GUCY1A2: variants seen among roughly 807,000 people sequenced by gnomAD.
GUCY1A2 encodes the protein guanylate cyclase 1 soluble subunit alpha 2.
Under a neutral mutation model 63.5 loss-of-function variants are expected in GUCY1A2, and 27 were observed. The ratio of observed to expected loss-of-function variants is 0.43; its 90% CI spans 0.31 to 0.59. The LOEUF is 0.59. Ranked by LOEUF, GUCY1A2 falls within the 20% of genes least tolerant of loss-of-function variation. GUCY1A2 has a pLI of 0.11. For missense variants in GUCY1A2, 768 were observed against 913.3 expected (o/e 0.84, Z 2.05); for synonymous variants, 364 against 343.5 (o/e 1.06, Z -0.66).
chr11:106,833,275 ACATT>A (rs1187512375), intron 4 of GUCY1A2, among the ~76,000 whole-genome samples: 2 of 152,132 alleles, frequency 1.3e-5, no homozygotes, highest in South Asian at 2.1e-4. Flanking sequence ...AAATAAGGTT[ACATT>A]CAGAGATACT....
At chr11:107,006,136 G>A (rs1056677320) in intron 1 of GUCY1A2, among the ~76,000 whole-genome samples, 2 of 152,174 alleles carry the variant, frequency 1.3e-5, no homozygotes, top group African/African-American at 4.8e-5. Flanking sequence ...TGATGCCCAA[G>A]ATAACAAGAA....
At chr11:106,883,356 G>C (rs1043526120) in intron 4 of GUCY1A2, among the ~76,000 whole-genome samples, 2 of 152,068 alleles carry the variant, frequency 1.3e-5, no homozygotes, top group East Asian at 3.9e-4. Flanking sequence ...TTTTCATAAT[G>C]TGTTATTTGT....
chr11:106,902,065 T>C (rs1046924742), intron 4 of GUCY1A2, among the ~76,000 whole-genome samples: 9 of 152,186 alleles, frequency 5.9e-5, no homozygotes, highest in Non-Finnish European at 8.8e-5. Context: ...ATCATAAGAC[T>C]TGAAAGTTGA....
At chr11:106,797,235 C>T (rs984213267) in intron 5 of GUCY1A2, among the ~76,000 whole-genome samples, 8 of 152,074 alleles carry the variant, frequency 5.3e-5, no homozygotes, top group Non-Finnish European at 2.9e-5. Context: ...TCCTTTAGCT[C>T]GGAGAAGTTT....
chr11:106,708,566 T>A lies in GUCY1A2; in HGVS notation c.1937A>T (p.Lys646Ile), dbSNP rs1357925889. 4 of 1,612,956 alleles carry A rather than the reference T, an allele frequency of 2.5e-6. No individual in the cohort carries two copies. Among genetic ancestry groups the A allele is most frequent in the Non-Finnish European group, 2.5e-6 (3 of 1,179,388 alleles). The change falls in exon 7 of 8, where the codon AAA becomes ATA. Residue 646 changes from lysine to isoleucine, a missense_variant. Lys to Ile is a moderately radical substitution (Grantham distance 102). Transcript: ENST00000526355. Reference protein sequence around the residue: ...LFGNNVTLASKFESGSHPRRI... With the variant: ...LFGNNVTLASIFESGSHPRRI... ...CCGAGGGTGACTTCCCGACTCGAAT[T>A]TGCTTGCCAGTGTGACATTATTTCC...
rs1859173378 is a variant in GUCY1A2, at chr11:106,839,910, A to G, written c.1207-29432T>C. 2.0e-5 allele frequency among the ~76,000 whole-genome samples: 3 copies of G among 151,426 alleles called. No homozygotes were observed. In the South Asian group the frequency reaches 6.3e-4, roughly 32 times the overall value. ...GCATTAGGAGATATACCTAGTGTAA[A>G]TGACGAGTTAATGGGTGCAGCACAC... On this transcript the variant is annotated intron_variant, in intron 4 of 7. Coordinates refer to ENST00000526355, the MANE Select transcript of GUCY1A2 (RefSeq NM_000855.3).
At chr11:106,755,518 A>T (rs1301137972) in intron 6 of GUCY1A2, among the ~76,000 whole-genome samples, 4 of 152,146 alleles carry the variant, frequency 2.6e-5, no homozygotes, top group Non-Finnish European at 5.9e-5. Context: ...ACTGCTTTAA[A>T]TGTGTCCCAG....
At chr11:106,748,943 C>T (rs1328396449) in intron 6 of GUCY1A2, among the ~76,000 whole-genome samples, 2 of 151,858 alleles carry the variant, frequency 1.3e-5, no homozygotes, top group African/African-American at 2.4e-5. Context: ...CTCTGTATGC[C>T]CAGTAGAATC....
chr11:106,880,521 T>C (rs1159387415), intron 4 of GUCY1A2, among the ~76,000 whole-genome samples: 1 of 152,054 alleles, frequency 6.6e-6, no homozygotes, highest in Non-Finnish European at 1.5e-5. Flanking sequence ...TCCAACACAG[T>C]GCTATCCCTA....
intron 4 of GUCY1A2, among the ~76,000 whole-genome samples, chr11:106,861,614 A>T (rs116825042): frequency 0.013 from 1,983 of 152,138 alleles, 43 homozygotes; most frequent in African/African-American, 0.045. Flanking sequence ...TAATAAATAC[A>T]TCCCTAATTC....
intron 4 of GUCY1A2, among the ~76,000 whole-genome samples, chr11:106,906,580 T>G (rs1450674194): frequency 2.0e-5 from 3 of 152,176 alleles, no homozygotes; most frequent in Admixed American, 6.5e-5. Flanking sequence ...GAAATCCGGT[T>G]ACTGGGTATA....
chr11:106,807,659 G>T (rs1858710040), intron 5 of GUCY1A2, among the ~76,000 whole-genome samples: 1 of 152,162 alleles, frequency 6.6e-6, no homozygotes, highest in Non-Finnish European at 1.5e-5. Flanking sequence ...GTTCCTAGGT[G>T]TGTCTATGAG....
rs767982659 is a variant in GUCY1A2, at chr11:106,708,540, G to A, written c.1963C>T (p.Arg655Cys). The A allele has an allele frequency of 3.7e-6, 6 of 1,612,338 alleles. No individual in the cohort carries two copies. Among genetic ancestry groups the A allele is most frequent in the Non-Finnish European group, 5.1e-6 (6 of 1,178,998 alleles). The change falls in exon 7 of 8, where the codon CGC becomes TGC. Residue 655 changes from arginine to cysteine, a missense_variant. Physicochemically the swap from Arg to Cys is radical, Grantham distance 180. Around this residue, in one of 3 missense-constraint regions of GUCY1A2, gnomAD observed 150 missense variants for 188.3 expected, o/e 0.80. Coordinates refer to ENST00000526355, the MANE Select transcript of GUCY1A2 (RefSeq NM_000855.3). ...TAAGTGGTTGGGCTGACATTGATGC[G>A]CCGAGGGTGACTTCCCGACTCGAAT... ...SKFESGSHPR[R>C]INVSPTTYQL...
chr11:106,780,518 C>A (rs1864440017), intron 5 of GUCY1A2, among the ~76,000 whole-genome samples: 1 of 152,260 alleles, frequency 6.6e-6, no homozygotes, highest in Admixed American at 6.5e-5. Context: ...GCTAACAGAA[C>A]CTCCACGTCG....
intron 6 of GUCY1A2, among the ~76,000 whole-genome samples, chr11:106,728,836 A>G (rs1414601574): frequency 1.3e-5 from 2 of 152,172 alleles, no homozygotes; most frequent in Non-Finnish European, 2.9e-5. Context: ...TGGATGTTCA[A>G]TAAGTGTTGA....
chr11:106,949,836 T>C (rs902022550), intron 3 of GUCY1A2, among the ~76,000 whole-genome samples: 1 of 152,190 alleles, frequency 6.6e-6, no homozygotes, highest in Non-Finnish European at 1.5e-5. Context: ...AAGACCACTA[T>C]AGTAACCCTA....
At position 106,682,044 on chromosome 11, in the gene GUCY1A2, G is replaced by A. The variant is rs2135327981; in HGVS notation, c.*5505C>T. The stretch of plus-strand genomic sequence containing the variant: ...TGTTGTAATATACTGCACAGCTCTG[G>A]CAGTAACTAAGAAAATGGTACTGTA... On this transcript the variant is annotated 3_prime_UTR_variant, in exon 8 of 8. Transcript: ENST00000526355. 1 of 209,450 alleles carries A rather than the reference G, an allele frequency of 4.8e-6. No individual in the cohort carries two copies. Among genetic ancestry groups the A allele is most frequent in the East Asian group, 7.0e-5 (1 of 14,232 alleles). The allele number at this position is 209,450 out of a possible 1,614,324, so 13.0% of individuals were successfully genotyped here.
In GUCY1A2 at chr11:106,810,206, A is replaced by G. The variant is rs764048509; in HGVS notation, c.1479T>C (p.Leu493=). 1.9e-6 allele frequency: 3 copies of G among 1,613,922 alleles called. No homozygotes were observed. The Admixed American group carries it at 5.0e-5, about 27-fold the overall frequency. The part of the protein sequence containing the change: ...LEEEKKKTVD[L]LYSIFPGDVA... ...CATCACCAGGGAAAATAGAATATAG[A>G]AGATCCACTGTCTTCTTTTTCTCTT... The change falls in exon 5 of 8, where the codon CTT becomes CTC. Residue 493 remains leucine (L), a synonymous_variant. Coordinates refer to ENST00000526355, the MANE Select transcript of GUCY1A2 (RefSeq NM_000855.3).
At chr11:106,931,847 C>T (rs1210665381) in intron 4 of GUCY1A2, among the ~76,000 whole-genome samples, 2 of 152,178 alleles carry the variant, frequency 1.3e-5, no homozygotes, top group African/African-American at 4.8e-5. Context: ...GAATTAACTG[C>T]AAATGGGTAA....
Sources: gnomAD v4.1 joint callset for allele counts (sites outside exome capture counted in the v4.1 genomes callset) on GRCh38, gnomAD v4.1.1 for gene constraint, gnomAD v4.1.1 regional missense constraint, MANE v1.5 for transcripts, NCBI Gene and HGNC (gene_info 2026-07-23, HGNC 2026-07-21) for gene names.